PRKAG2: variants seen among roughly 807,000 people sequenced by gnomAD.
PRKAG2 encodes protein kinase AMP-activated non-catalytic subunit gamma 2, also known as 5'-AMP-activated protein kinase subunit gamma-2.
In PRKAG2, 26 loss-of-function variants were observed where a neutral mutation model predicts 69.6. That is an observed-to-expected ratio of 0.37 (90% CI 0.27 to 0.52). The LOEUF is 0.52. PRKAG2 is among the 20% of genes least tolerant of loss of function. PRKAG2 has a pLI of 0.90. For synonymous variants in PRKAG2, 293 were observed against 285.0 expected, an observed-to-expected ratio of 1.03 and a Z score of -0.28; for missense variants, 557 against 740.0, an observed-to-expected ratio of 0.75 and a Z score of 2.87.
At chr7:151,672,258 C>A (rs565280600) in intron 4 of PRKAG2, among the ~76,000 whole-genome samples, 2 of 152,044 alleles carry the variant, frequency 1.3e-5, no homozygotes, top group African/African-American at 4.8e-5. Context: ...TCTGCCATCA[C>A]GCCCGGGTAA....
chr7:151,840,798 A>T (rs1244849590), intron 1 of PRKAG2, among the ~76,000 whole-genome samples: 1 of 152,228 alleles, frequency 6.6e-6, no homozygotes, highest in Non-Finnish European at 1.5e-5. Context: ...TGCCCACCCG[A>T]GTCTCAGGCT....
At position 151,707,396 on chromosome 7, in the gene PRKAG2, G is replaced by A. The variant is rs901760858; in HGVS notation, c.467-31759C>T. ...TCCTAGCAGGTCCCTCCTACTAAAC[G>A]GTGGTCGGAGAAGCTGCTATATAAT... On this transcript the variant is annotated intron_variant, in intron 3 of 15. Coordinates refer to ENST00000287878, the MANE Select transcript of PRKAG2 (RefSeq NM_016203.4). Among the ~76,000 whole-genome samples, 5 of 152,272 alleles carry A rather than the reference G, an allele frequency of 3.3e-5. 1 individual carries two copies. The highest frequency in any genetic ancestry group is 4.8e-5 in the African/African-American group (2 of 41,560).
intron 3 of PRKAG2, among the ~76,000 whole-genome samples, chr7:151,712,701 G>A (rs1795522799): frequency 6.6e-6 from 1 of 152,214 alleles, no homozygotes; most frequent in African/African-American, 2.4e-5. Context: ...CAAAATGAGT[G>A]TGCCCCATAA....
At chr7:151,861,528 CAAA>C (rs11406004) in intron 1 of PRKAG2, among the ~76,000 whole-genome samples, 4 of 96,580 alleles carry the variant, frequency 4.1e-5, no homozygotes, top group Admixed American at 1.2e-4. Flanking sequence ...ACTCTGTCTC[CAAA>C]AAAAAAAAAA....
At chr7:151,630,823 T>C (rs1415432852) in intron 5 of PRKAG2, among the ~76,000 whole-genome samples, 2 of 152,252 alleles carry the variant, frequency 1.3e-5, no homozygotes, top group Non-Finnish European at 2.9e-5. Flanking sequence ...TGGGTTCGAA[T>C]GAAGACCCTG....
chr7:151,702,144 T>G (rs1182576760), intron 3 of PRKAG2, among the ~76,000 whole-genome samples: 1 of 152,210 alleles, frequency 6.6e-6, no homozygotes, highest in Non-Finnish European at 1.5e-5. Context: ...TACAGAACAC[T>G]TCCCCCTGTG....
At chr7:151,645,855 T>C (rs2151380520) in intron 4 of PRKAG2, among the ~76,000 whole-genome samples, 1 of 152,316 alleles carries the variant, frequency 6.6e-6, no homozygotes, top group South Asian at 2.1e-4. Context: ...TTACTAGGCC[T>C]AGGATCCATT....
intron 1 of PRKAG2, among the ~76,000 whole-genome samples, chr7:151,833,908 G>C (rs1022658346): frequency 6.6e-6 from 1 of 152,234 alleles, no homozygotes; most frequent in Non-Finnish European, 1.5e-5. Context: ...CTGGGAGCCT[G>C]AGGCCACAGC....
intron 1 of PRKAG2, among the ~76,000 whole-genome samples, chr7:151,831,685 C>A (rs912077313): frequency 6.6e-6 from 1 of 152,174 alleles, no homozygotes; most frequent in Admixed American, 6.5e-5. Context: ...TATGTTCCCC[C>A]CCTTGCACGC....
Position 151,809,487 on chromosome 7 carries a change from C to G in PRKAG2, c.115-22946G>C, listed in dbSNP as rs1359059254. ...ACAGGAACGGTGCCTTCACATTGGT[C>G]TTCCGGGGCTTAAAAGCATATCATT... On this transcript the variant is annotated intron_variant, in intron 1 of 15. Transcript: ENST00000287878. 1.7e-5 allele frequency: 5 copies of G among 296,794 alleles called. No homozygotes were observed. The Admixed American group carries it at 1.9e-4, about 11-fold the overall frequency. 18.4% of individuals were successfully genotyped at this position (296,794 alleles called of 1,614,324 possible). A position where few individuals can be genotyped will look rare whatever the true frequency, so the allele number is the denominator to read the frequency against.
chr7:151,624,180 A>T (rs1290222157), intron 5 of PRKAG2, among the ~76,000 whole-genome samples: 27 of 129,896 alleles, frequency 2.1e-4, no homozygotes, highest in Admixed American at 5.3e-4. Flanking sequence ...ATATATATAT[A>T]TTTTTTTTTT....
At chr7:151,826,475 G>A (rs1452172374) in intron 1 of PRKAG2, among the ~76,000 whole-genome samples, 3 of 152,084 alleles carry the variant, frequency 2.0e-5, no homozygotes, top group South Asian at 2.1e-4. Context: ...GAGCCACCGC[G>A]CCTGGCTCAG....
At chr7:151,734,176 A>C (rs1799396310) in intron 3 of PRKAG2, 2 of 152,208 alleles carry the variant, frequency 1.3e-5, no homozygotes, top group African/African-American at 4.8e-5. Flanking sequence ...GCACAATCTG[A>C]GCCTGCAGAC....
chr7:151,633,604 AAACT>A lies in PRKAG2; in HGVS notation c.685-1470_685-1467del, dbSNP rs1314133086. ...ACACAAAAATCAATCACATTTCTAT[AAACT>A]AACAATGAACACATGGAAAAATATA... On this transcript the variant is annotated intron_variant, in intron 4 of 15. Coordinates refer to ENST00000287878, the MANE Select transcript of PRKAG2 (RefSeq NM_016203.4). Among the ~76,000 whole-genome samples, 72 of 152,204 alleles carry A rather than the reference AAACT, an allele frequency of 4.7e-4. 2 individuals carry two copies. Among genetic ancestry groups the A allele is most frequent in the Admixed American group, 3.3e-3 (51 of 15,280 alleles).
chr7:151,686,017 T>C (rs1353348697), intron 3 of PRKAG2, among the ~76,000 whole-genome samples: 3 of 152,170 alleles, frequency 2.0e-5, no homozygotes. Flanking sequence ...TCTAAACCCT[T>C]GTCTGGGCAG....
Position 151,764,072 on chromosome 7 carries a change from AGAG to A in PRKAG2, c.466+17077_466+17079del, listed in dbSNP as rs905637833. On this transcript the variant is annotated intron_variant, in intron 3 of 15. Coordinates refer to ENST00000287878, the MANE Select transcript of PRKAG2 (RefSeq NM_016203.4). ...GGCTGGGACGGGCAGACAGCCTGGC[AGAG>A]GAGGGAGGCAGTGTTTGCGCAGGTG... is the stretch of plus-strand genomic sequence containing the variant. Among the ~76,000 whole-genome samples the A allele has an allele frequency of 1.6e-4, 25 of 152,222 alleles. 1 individual carries two copies. The highest frequency in any genetic ancestry group is 5.5e-4 in the African/African-American group (23 of 41,464).
chr7:151,850,998 G>A lies in PRKAG2; in HGVS notation c.114+25509C>T, dbSNP rs571500389. Among the ~76,000 whole-genome samples the A allele has an allele frequency of 3.3e-5, 5 of 152,292 alleles. No individual in the cohort carries two copies. The East Asian group carries it at 9.7e-4, about 29-fold the overall frequency. On this transcript the variant is annotated intron_variant, in intron 1 of 15. Coordinates refer to ENST00000287878, the MANE Select transcript of PRKAG2 (RefSeq NM_016203.4). This position sits in a 1 kb window ranked among gnomAD's most constrained non-coding sequence, Gnocchi z 4.1. The stretch of plus-strand genomic sequence containing the variant: ...TCCCCAACCCGCAAATGGGTGGTGA[G>A]ACCTGAGGGACTCTCAAATTCCTCC...
At chr7:151,779,330 C>A (rs1563654667) in intron 3 of PRKAG2, among the ~76,000 whole-genome samples, 1 of 152,196 alleles carries the variant, frequency 6.6e-6, no homozygotes, top group African/African-American at 2.4e-5. Flanking sequence ...TTCTCCTGCA[C>A]CTCCTGGTGC....
chr7:151,726,371 G>GACACACACACACACACACACACAC (rs60238080), intron 3 of PRKAG2, among the ~76,000 whole-genome samples: 3 of 148,282 alleles, frequency 2.0e-5, no homozygotes, highest in African/African-American at 7.5e-5. Flanking sequence ...AGGGAGGCAG[G>GACACACACACACACACACACACAC]ACACACACAC....
Sources: allele counts gnomAD v4.1 joint callset (sites outside exome capture counted in the v4.1 genomes callset), GRCh38; gene constraint gnomAD v4.1.1; non-coding constraint Gnocchi (gnomAD v3.1); transcripts MANE v1.5; gene names NCBI Gene and HGNC (gene_info 2026-07-23, HGNC 2026-07-21).